Variants in ROR2 observed in about 807,000 individuals in gnomAD.
ROR2 encodes tyrosine-protein kinase transmembrane receptor ROR2.
In ROR2, 33 loss-of-function variants were observed where a neutral mutation model predicts 74.9. The ratio of observed to expected loss-of-function variants is 0.44; its 90% CI spans 0.33 to 0.59. The LOEUF (loss-of-function observed/expected upper bound fraction) is 0.59, where lower values mean the gene tolerates loss of function less well. Among genes scored for constraint, ROR2 ranks in the 20% least tolerant of loss-of-function variants. The pLI, the probability that ROR2 is intolerant of heterozygous loss-of-function variation, is 0.02. For synonymous variants in ROR2, 586 were observed against 558.7 expected (o/e 1.05, Z -0.69); for missense variants, 1,216 against 1,313.8 (o/e 0.93, Z 1.15).
At chr9:91,838,137 C>A (rs62564594) in intron 1 of ROR2, among the ~76,000 whole-genome samples, 3 of 152,164 alleles carry the variant, frequency 2.0e-5, no homozygotes, top group Non-Finnish European at 2.9e-5. Context: ...CCTGGGCATA[C>A]CTTATGTGTG....
intron 4 of ROR2, among the ~76,000 whole-genome samples, chr9:91,739,793 C>A (rs1433536025): frequency 2.0e-5 from 3 of 152,188 alleles, no homozygotes; most frequent in Non-Finnish European, 2.9e-5. Context: ...GTTAACAATG[C>A]GAGCCTGCCT....
chr9:91,809,359 T>G (rs1378804536), intron 1 of ROR2, among the ~76,000 whole-genome samples: 1 of 152,218 alleles, frequency 6.6e-6, no homozygotes, highest in Non-Finnish European at 1.5e-5. Context: ...CCTCTGCCAT[T>G]GTGAACCCAC....
At chr9:91,780,764 C>T (rs983844471) in intron 1 of ROR2, among the ~76,000 whole-genome samples, 12 of 152,168 alleles carry the variant, frequency 7.9e-5, no homozygotes, top group Admixed American at 6.5e-4. Context: ...GCACTCCAGC[C>T]TGGGTGACAG....
At chr9:91,921,850 C>T (rs1831272553) in intron 1 of ROR2, among the ~76,000 whole-genome samples, 1 of 126,422 alleles carries the variant, frequency 7.9e-6, no homozygotes, top group Admixed American at 8.4e-5. Context: ...AACAGAGACT[C>T]CGTCTCAAAA....
intron 1 of ROR2, chr9:91,886,949 G>C (rs1830299004): frequency 6.6e-6 from 1 of 152,156 alleles, no homozygotes; most frequent in Non-Finnish European, 1.5e-5. Flanking sequence ...ACTGCCTGCC[G>C]TGTCTTTTAT....
At chr9:91,827,743 A>G (rs1817106355) in intron 1 of ROR2, among the ~76,000 whole-genome samples, 1 of 152,256 alleles carries the variant, frequency 6.6e-6, no homozygotes, top group Non-Finnish European at 1.5e-5. Flanking sequence ...ATTTTGTTCA[A>G]TTTGATAACC....
At chr9:91,895,718 C>G (rs976377330) in intron 1 of ROR2, among the ~76,000 whole-genome samples, 4 of 152,158 alleles carry the variant, frequency 2.6e-5, no homozygotes, top group Non-Finnish European at 5.9e-5. Context: ...TGGCAGATGC[C>G]TGTAATCCCA....
intron 2 of ROR2, among the ~76,000 whole-genome samples, chr9:91,766,823 A>C (rs565028728): frequency 6.6e-6 from 1 of 152,112 alleles, no homozygotes; most frequent in African/African-American, 2.4e-5. Context: ...CAGCACTCAC[A>C]CTCCATAGCG....
chr9:91,724,009 C>T lies in ROR2; in HGVS notation c.2485G>A (p.Ala829Thr), dbSNP rs760794107. 3.1e-6 allele frequency: 5 copies of T among 1,612,550 alleles called. No homozygotes were observed. The highest frequency in any genetic ancestry group is 4.2e-6 in the Non-Finnish European group (5 of 1,179,932). ...VPVNGYQPVP[A>T]YGAYLPNFYP... The stretch of plus-strand genomic sequence containing the variant: ...AAGTTGGGCAGGTAGGCCCCATAGG[C>T]CGGCACCGGCTGGTAGCCGTTGACG... Residue 829 changes from alanine to threonine, a missense_variant, in exon 9 of 9, where the codon GCC becomes ACC. Transcript: ENST00000375708.
chr9:91,844,225 C>T (rs1439471643), intron 1 of ROR2, among the ~76,000 whole-genome samples: 1 of 152,314 alleles, frequency 6.6e-6, no homozygotes, highest in African/African-American at 2.4e-5. Flanking sequence ...TAAACTGCTG[C>T]CTGGTGGCTA....
chr9:91,785,890 G>A (rs945064458), intron 1 of ROR2, among the ~76,000 whole-genome samples: 1 of 152,082 alleles, frequency 6.6e-6, no homozygotes, highest in Non-Finnish European at 1.5e-5. Flanking sequence ...CCTTTTACAT[G>A]TGCATATATA....
rs1825797095 is a variant in ROR2, at chr9:91,757,522, G to T, written c.213C>A (p.Ile71=). ...TTGCCGTCTGGCCTTGGACAATGGTGATATTGTTTACTGGCTCCAGAAAAT... is the reference window on the plus strand; with the variant it reads ...TTGCCGTCTGGCCTTGGACAATGGTTATATTGTTTACTGGCTCCAGAAAAT... The part of the protein sequence containing the change: ...FLNFLEPVNN[I]TIVQGQTAIL... Residue 71 remains isoleucine, a synonymous_variant, in exon 3 of 9, where the codon ATC becomes ATA. Coordinates refer to ENST00000375708, the MANE Select transcript of ROR2 (RefSeq NM_004560.4). 1.2e-6 allele frequency: 2 copies of T among 1,613,722 alleles called. No homozygotes were observed. Among genetic ancestry groups the T allele is most frequent in the Non-Finnish European group, 1.7e-6 (2 of 1,179,986 alleles).
intron 1 of ROR2, among the ~76,000 whole-genome samples, chr9:91,781,407 C>T (rs1826615956): frequency 6.6e-6 from 1 of 152,070 alleles, no homozygotes; most frequent in Non-Finnish European, 1.5e-5. Context: ...CACGTCAGAT[C>T]GAAAACACCC....
intron 1 of ROR2, among the ~76,000 whole-genome samples, chr9:91,784,598 G>A (rs1826731842): frequency 6.6e-6 from 1 of 152,252 alleles, no homozygotes; most frequent in South Asian, 2.1e-4. Flanking sequence ...TGTGGCTGCT[G>A]TTAGTGGGTG....
In ROR2 at chr9:91,723,690, T is replaced by C. The variant is rs1404634497; in HGVS notation, c.2804A>G (p.Asp935Gly). The change falls in exon 9 of 9, where the codon GAC becomes GGC. Residue 935 changes from aspartate (D) to glycine (G), a missense_variant. Transcript: ENST00000375708. Reference protein sequence around the residue: ...LLGDCDTLQVDEAQVQLEA With the variant: ...LLGDCDTLQVGEAQVQLEA ...AGCTTCCAGCTGGACTTGGGCCTCG[T>C]CCACCTGCAGAGTGTCACAGTCCCC... The C allele has an allele frequency of 1.2e-6, 2 of 1,613,748 alleles. No individual in the cohort carries two copies. Among genetic ancestry groups the C allele is most frequent in the South Asian group, 1.1e-5 (1 of 91,088 alleles).
chr9:91,881,345 A>G (rs181204083), intron 1 of ROR2, among the ~76,000 whole-genome samples: 1 of 152,370 alleles, frequency 6.6e-6, no homozygotes, highest in Admixed American at 6.5e-5. Context: ...ATGCTAGTAC[A>G]ATGAGTCCTA....
At chr9:91,891,731 G>A (rs985200874) in intron 1 of ROR2, among the ~76,000 whole-genome samples, 11 of 152,234 alleles carry the variant, frequency 7.2e-5, no homozygotes, top group East Asian at 3.9e-4. Context: ...CCACATTCCC[G>A]GCCCTGGGCC....
At chr9:91,779,364 T>C (rs896076427) in intron 1 of ROR2, among the ~76,000 whole-genome samples, 1 of 119,750 alleles carries the variant, frequency 8.4e-6, no homozygotes, top group Non-Finnish European at 1.7e-5. Context: ...ACACTTATAC[T>C]TTTCTTTTTT....
At chr9:91,810,800 G>A (rs73651554) in intron 1 of ROR2, among the ~76,000 whole-genome samples, 17 of 152,280 alleles carry the variant, frequency 1.1e-4, no homozygotes, top group African/African-American at 4.1e-4. Context: ...CTACGTTTGC[G>A]GGTCACACAC....
Sources: allele counts gnomAD v4.1 joint callset (sites outside exome capture counted in the v4.1 genomes callset), GRCh38; gene constraint gnomAD v4.1.1; transcripts MANE v1.5; gene names NCBI Gene and HGNC (gene_info 2026-07-23, HGNC 2026-07-21).